The following ASB18 variants were observed in gnomAD, a reference collection of about 807,000 sequenced individuals.
ASB18 encodes the protein ankyrin repeat and SOCS box protein 18.
ASB18 carries 33 observed loss-of-function variants against 33.4 expected under a neutral mutation model. That is an observed-to-expected ratio of 0.99 (90% CI 0.75 to 1.32). ASB18 has a LOEUF of 1.32. ASB18 is among the 40% of genes most tolerant of loss of function. The probability of loss-of-function intolerance (pLI) is 0.00; values close to 1 mark genes in which losing one functional copy is unlikely to be tolerated. For missense variants in ASB18, 694 were observed against 655.5 expected (o/e 1.06, Z -0.64); for synonymous variants, 295 against 307.6 (o/e 0.96, Z 0.43).
In ASB18 at chr2:236,204,502, G is replaced by A. The variant is rs2060423582; in HGVS notation, c.1102-8117C>T. Among the ~76,000 whole-genome samples, 2 of 152,110 alleles carry A rather than the reference G, an allele frequency of 1.3e-5. No individual in the cohort carries two copies. Among genetic ancestry groups the A allele is most frequent in the South Asian group, 4.1e-4 (2 of 4,824 alleles). ...TGCTGGTGATCTTATCTGGTTTCCT[G>A]GCTTTAAATACCATCCTTTGTCACT... is the stretch of plus-strand genomic sequence containing the variant. On this transcript the variant is annotated intron_variant, in intron 4 of 5. Coordinates refer to ENST00000409749, the MANE Select transcript of ASB18 (RefSeq NM_212556.4). This position sits in a 1 kb window ranked among gnomAD's most constrained non-coding sequence, Gnocchi z 5.1.
chr2:236,226,190 T>C lies in ASB18; in HGVS notation c.597-11324A>G, dbSNP rs1251741959. Among the ~76,000 whole-genome samples, 2 of 152,188 alleles carry C rather than the reference T, an allele frequency of 1.3e-5. No individual in the cohort carries two copies. Among genetic ancestry groups the C allele is most frequent in the Non-Finnish European group, 2.9e-5 (2 of 68,038 alleles). On this transcript the variant is annotated intron_variant, in intron 3 of 5. Transcript: ENST00000409749. The surrounding 1 kb of genome is among the most constrained non-coding windows in gnomAD (Gnocchi z 4.8). ...ATTAACTTTTTATCCTTCAAGGTAG[T>C]TGGCTGTGTTATTGTAGAGGTGTTC...
chr2:236,196,317 G>A lies in ASB18; in HGVS notation c.1170C>T (p.Cys390=). The change falls in exon 5 of 6, where the codon TGC becomes TGT. Residue 390 remains cysteine, a synonymous_variant. Transcript: ENST00000409749. The surrounding 1 kb of genome is among the most constrained non-coding windows in gnomAD (Gnocchi z 5.6). Reference sequence around the variant, plus strand: ...TCACTTCCTTCCAGGACTCTGACAAGCAGAGCTGAGGGTAGGAGTTGAAAA... The same window carrying A: ...TCACTTCCTTCCAGGACTCTGACAAACAGAGCTGAGGGTAGGAGTTGAAAA... The part of the protein sequence containing the change: ...EVLFNSYPQL[C]LSESWKEVIP... 1.3e-6 allele frequency: 2 copies of A among 1,565,540 alleles called. No individual in the cohort carries two copies. The highest frequency in any genetic ancestry group is 8.7e-7 in the Non-Finnish European group (1 of 1,154,238).
At position 236,255,764 on chromosome 2, in the gene ASB18, T is replaced by C. The variant is rs929106198; in HGVS notation, c.205+8377A>G. Among the ~76,000 whole-genome samples, 1 of 152,178 alleles carries C rather than the reference T, an allele frequency of 6.6e-6. No homozygotes were observed. Among genetic ancestry groups the C allele is most frequent in the African/African-American group, 2.4e-5 (1 of 41,438 alleles). ...GAATGTGTAGCCTCAAACAATATCG[T>C]CCCAATCTCTTTGCCTGGGGCTTCC... On this transcript the variant is annotated intron_variant, in intron 1 of 5. Coordinates refer to ENST00000409749, the MANE Select transcript of ASB18 (RefSeq NM_212556.4). The surrounding 1 kb of genome is among the most constrained non-coding windows in gnomAD (Gnocchi z 4.4).
chr2:236,232,813 G>T (rs1576404660), intron 3 of ASB18, among the ~76,000 whole-genome samples: 1 of 152,008 alleles, frequency 6.6e-6, no homozygotes, highest in African/African-American at 2.4e-5. Flanking sequence ...ATTACAAAAA[G>T]ACATGTCCAG....
Position 236,252,310 on chromosome 2 carries a change from G to C in ASB18, c.206-10908C>G, listed in dbSNP as rs1314771555. 1.0e-4 allele frequency among the ~76,000 whole-genome samples: 9 copies of C among 88,768 alleles called. No homozygotes were observed. The highest frequency in any genetic ancestry group is 4.4e-4 in the East Asian group (1 of 2,254). 58.2% of individuals were successfully genotyped at this position (88,768 alleles called of 152,430 possible). On this transcript the variant is annotated intron_variant, in intron 1 of 5. Coordinates refer to ENST00000409749, the MANE Select transcript of ASB18 (RefSeq NM_212556.4). This position sits in a 1 kb window ranked among gnomAD's most constrained non-coding sequence, Gnocchi z 7.9. ...ACACACACACACACACACACACACA[G>C]TAGAAATCCTTGCCTTTAAGGAGTG...
At position 236,245,888 on chromosome 2, in the gene ASB18, C is replaced by G. The variant is rs2060642736; in HGVS notation, c.206-4486G>C. On this transcript the variant is annotated intron_variant, in intron 1 of 5. Coordinates refer to ENST00000409749, the MANE Select transcript of ASB18 (RefSeq NM_212556.4). The surrounding 1 kb of genome is among the most constrained non-coding windows in gnomAD (Gnocchi z 4.7). Reference sequence around the variant, plus strand: ...TTAAAGCTCCTCAGTGGTTCTTGCTCTTATTCTTGGCCATCTGTTGCCTTT... The same window carrying G: ...TTAAAGCTCCTCAGTGGTTCTTGCTGTTATTCTTGGCCATCTGTTGCCTTT... 6.6e-6 allele frequency among the ~76,000 whole-genome samples: 1 copy of G among 152,206 alleles called. No homozygotes were observed. The highest frequency in any genetic ancestry group is 1.5e-5 in the Non-Finnish European group (1 of 68,028).
In ASB18 at chr2:236,196,395, A is replaced by G. The variant is rs369710134; in HGVS notation, c.1102-10T>C. The G allele has an allele frequency of 6.1e-5, 93 of 1,512,268 alleles. No individual in the cohort carries two copies. The highest frequency in any genetic ancestry group is 8.2e-5 in the Non-Finnish European group (91 of 1,110,730). The allele number at this position is 1,512,268 out of a possible 1,614,324, so 93.7% of individuals were successfully genotyped here. A position where few individuals can be genotyped will look rare whatever the true frequency, so the allele number is the denominator to read the frequency against. ...CACAGGTCTTCAGCACCTGGTGGGAAGAGGTGAAAGACGCAGCGTAGGCCG... is the reference window on the plus strand; with the variant it reads ...CACAGGTCTTCAGCACCTGGTGGGAGGAGGTGAAAGACGCAGCGTAGGCCG... On this transcript the variant is annotated splice_polypyrimidine_tract_variant and intron_variant, in intron 4 of 5. Transcript: ENST00000409749. The surrounding 1 kb of genome is among the most constrained non-coding windows in gnomAD (Gnocchi z 5.6).
At position 236,208,826 on chromosome 2, in the gene ASB18, T is replaced by C. The variant is rs1333553919; in HGVS notation, c.1101+5536A>G. 3.9e-5 allele frequency among the ~76,000 whole-genome samples: 6 copies of C among 152,242 alleles called. No individual in the cohort carries two copies. Among genetic ancestry groups the C allele is most frequent in the Non-Finnish European group, 7.3e-5 (5 of 68,046 alleles). ...AAAAATCTCCGCGGCCTCCTTGCTG[T>C]CTGCGGAGAGGCGGCTGCCACATTA... On this transcript the variant is annotated intron_variant, in intron 4 of 5. Coordinates refer to ENST00000409749, the MANE Select transcript of ASB18 (RefSeq NM_212556.4). This position sits in a 1 kb window ranked among gnomAD's most constrained non-coding sequence, Gnocchi z 7.7.
rs1416883190 is a variant in ASB18 at position 236,196,676 on chromosome 2, G to A, written c.1102-291C>T. On this transcript the variant is annotated intron_variant, in intron 4 of 5. Coordinates refer to ENST00000409749, the MANE Select transcript of ASB18 (RefSeq NM_212556.4). This position sits in a 1 kb window ranked among gnomAD's most constrained non-coding sequence, Gnocchi z 5.6. ...CTTAAGCATTCAGGTTCCCAGGGGG[G>A]CTATGCTGGTGGCTTGGCAGGCCTC... is the stretch of plus-strand genomic sequence containing the variant. Among the ~76,000 whole-genome samples, 2 of 152,222 alleles carry A rather than the reference G, an allele frequency of 1.3e-5. No individual in the cohort carries two copies. The highest frequency in any genetic ancestry group is 4.8e-5 in the African/African-American group (2 of 41,454).
At position 236,256,964 on chromosome 2, in the gene ASB18, G is replaced by A. The variant is rs991247717; in HGVS notation, c.205+7177C>T. Among the ~76,000 whole-genome samples the A allele has an allele frequency of 4.6e-5, 7 of 152,050 alleles. No homozygotes were observed. The highest frequency in any genetic ancestry group is 6.5e-5 in the Admixed American group (1 of 15,276). ...TCTAGGTGGTGGGAGATATTTTTCT[G>A]TATTTAAAGAGAGGGCTGCTGCAGC... On this transcript the variant is annotated intron_variant, in intron 1 of 5. Coordinates refer to ENST00000409749, the MANE Select transcript of ASB18 (RefSeq NM_212556.4). The surrounding 1 kb of genome is among the most constrained non-coding windows in gnomAD (Gnocchi z 4.7).
At position 236,203,188 on chromosome 2, in the gene ASB18, C is replaced by T. The variant is rs2060414024; in HGVS notation, c.1102-6803G>A. 1.3e-5 allele frequency among the ~76,000 whole-genome samples: 2 copies of T among 152,092 alleles called. No individual in the cohort carries two copies. Among genetic ancestry groups the T allele is most frequent in the African/African-American group, 4.8e-5 (2 of 41,400 alleles). ...GATGGCCAGCTCCACCTTCACAGAG[C>T]TTTACAGTCCCAAATATAACAACAA... On this transcript the variant is annotated intron_variant, in intron 4 of 5. Transcript: ENST00000409749. This position sits in a 1 kb window ranked among gnomAD's most constrained non-coding sequence, Gnocchi z 6.0.
In ASB18 at chr2:236,220,564, T is replaced by G. The variant is rs2060506198; in HGVS notation, c.597-5698A>C. ...CCCCAGTACTTGGCCTTTTTTTTTT[T>G]TTTTAAACAACTATTTATCTTTAGT... On this transcript the variant is annotated intron_variant, in intron 3 of 5. Transcript: ENST00000409749. The surrounding 1 kb of genome is among the most constrained non-coding windows in gnomAD (Gnocchi z 5.1). Among the ~76,000 whole-genome samples the G allele has an allele frequency of 6.6e-6, 1 of 152,132 alleles. No homozygotes were observed. The highest frequency in any genetic ancestry group is 1.5e-5 in the Non-Finnish European group (1 of 68,024).
rs1161376723 is a variant in ASB18 at position 236,194,240 on chromosome 2, A to G, written c.*632T>C. The stretch of plus-strand genomic sequence containing the variant: ...CGTGGTGGTAGGAGGTGCTCCTGAC[A>G]AGGTTCGTTTTGCAAACATTTATTC... On this transcript the variant is annotated 3_prime_UTR_variant, in exon 6 of 6. Coordinates refer to ENST00000409749, the MANE Select transcript of ASB18 (RefSeq NM_212556.4). This position sits in a 1 kb window ranked among gnomAD's most constrained non-coding sequence, Gnocchi z 4.5. Among the ~76,000 whole-genome samples, 1 of 152,214 alleles carries G rather than the reference A, an allele frequency of 6.6e-6. No individual in the cohort carries two copies. The highest frequency in any genetic ancestry group is 1.5e-5 in the Non-Finnish European group (1 of 68,038).
rs1284824314 is a variant in ASB18, at chr2:236,204,418, T to C, written c.1102-8033A>G. Among the ~76,000 whole-genome samples, 5 of 152,344 alleles carry C rather than the reference T, an allele frequency of 3.3e-5. No homozygotes were observed. Among genetic ancestry groups the C allele is most frequent in the Non-Finnish European group, 4.4e-5 (3 of 68,026 alleles). ...CTTAGCTGCTGTCTCATCTCCGTCC[T>C]TCAGATGTTCGACCATCCCTGCATT... On this transcript the variant is annotated intron_variant, in intron 4 of 5. Coordinates refer to ENST00000409749, the MANE Select transcript of ASB18 (RefSeq NM_212556.4). The surrounding 1 kb of genome is among the most constrained non-coding windows in gnomAD (Gnocchi z 5.1).
chr2:236,204,832 C>T lies in ASB18; in HGVS notation c.1102-8447G>A, dbSNP rs1342234220. On this transcript the variant is annotated intron_variant, in intron 4 of 5. Coordinates refer to ENST00000409749, the MANE Select transcript of ASB18 (RefSeq NM_212556.4). This position sits in a 1 kb window ranked among gnomAD's most constrained non-coding sequence, Gnocchi z 5.1. The stretch of plus-strand genomic sequence containing the variant: ...CCCTTGTTCACCAGGTCCCAACCTG[C>T]TGTGCCACCCATAACCTGCCCCATT... Among the ~76,000 whole-genome samples, 2 of 152,120 alleles carry T rather than the reference C, an allele frequency of 1.3e-5. No homozygotes were observed. The highest frequency in any genetic ancestry group is 2.4e-5 in the African/African-American group (1 of 41,420).
At position 236,237,240 on chromosome 2, in the gene ASB18, A is replaced by G. The variant is rs2060596408; in HGVS notation, c.596+449T>C. 1.3e-5 allele frequency among the ~76,000 whole-genome samples: 2 copies of G among 151,932 alleles called. No individual in the cohort carries two copies. Among genetic ancestry groups the G allele is most frequent in the Non-Finnish European group, 2.9e-5 (2 of 67,936 alleles). Reference sequence around the variant, plus strand: ...CCAACCCCGCCAGTGGCCTTTTAGCATCCCCGGCGCCGGCGGCTGGGCTGT... The same window carrying G: ...CCAACCCCGCCAGTGGCCTTTTAGCGTCCCCGGCGCCGGCGGCTGGGCTGT... On this transcript the variant is annotated intron_variant, in intron 3 of 5. Transcript: ENST00000409749. The surrounding 1 kb of genome is among the most constrained non-coding windows in gnomAD (Gnocchi z 6.2).
rs1387217289 is a variant in ASB18, at chr2:236,256,007, TTTTA to T, written c.205+8130_205+8133del. ...GCTATTTGGTGCATTAATATTTATT[TTTTA>T]TTTATTTATTTTTAATTTCTATGTA... is the stretch of plus-strand genomic sequence containing the variant. On this transcript the variant is annotated intron_variant, in intron 1 of 5. Transcript: ENST00000409749. This position sits in a 1 kb window ranked among gnomAD's most constrained non-coding sequence, Gnocchi z 4.7. Among the ~76,000 whole-genome samples, 2 of 152,168 alleles carry T rather than the reference TTTTA, an allele frequency of 1.3e-5. No homozygotes were observed. Among genetic ancestry groups the T allele is most frequent in the African/African-American group, 2.4e-5 (1 of 41,416 alleles).
intron 1 of ASB18, chr2:236,254,304 C>G (rs1436877768): frequency 6.6e-6 from 1 of 152,548 alleles, no homozygotes; most frequent in Non-Finnish European, 1.5e-5. Flanking sequence ...TGATTGCACC[C>G]TTCTCTCTGC....
intron 3 of ASB18, among the ~76,000 whole-genome samples, chr2:236,236,297 T>C (rs1022698561): frequency 6.6e-6 from 1 of 152,088 alleles, no homozygotes; most frequent in Non-Finnish European, 1.5e-5. Flanking sequence ...GACTGCAGAT[T>C]CCATTTATAC....
Sources: gnomAD v4.1 joint callset for allele counts (sites outside exome capture counted in the v4.1 genomes callset) on GRCh38, gnomAD v4.1.1 for gene constraint, Gnocchi (gnomAD v3.1) non-coding constraint, MANE v1.5 for transcripts, NCBI Gene and HGNC (gene_info 2026-07-23, HGNC 2026-07-21) for gene names.